FCHO2: variants seen among roughly 807,000 people sequenced by gnomAD.
FCHO2 encodes the protein F-BAR domain only protein 2.
A neutral mutation model predicts 114.1 loss-of-function variants in FCHO2; 43 were observed. That is an observed-to-expected ratio of 0.38 (90% CI 0.30 to 0.49). The LOEUF (loss-of-function observed/expected upper bound fraction) is 0.49. FCHO2 is among the 20% of genes least tolerant of loss of function. The pLI is 0.97. For synonymous variants in FCHO2, 293 were observed against 315.2 expected (o/e 0.93, Z 0.75); for missense variants, 807 against 950.4 (o/e 0.85, Z 1.98).
chr5:73,026,822 G>C (rs1755948487), intron 8 of FCHO2, among the ~76,000 whole-genome samples: 1 of 151,990 alleles, frequency 6.6e-6, no homozygotes. Flanking sequence ...CTCCCAAGCA[G>C]CTGGGCTTAC....
intron 8 of FCHO2, among the ~76,000 whole-genome samples, chr5:73,026,062 G>A (rs1029054730): frequency 2.0e-5 from 3 of 152,184 alleles, no homozygotes; most frequent in South Asian, 2.1e-4. Context: ...TTCGGAGGCC[G>A]AGGCGACTGA....
At chr5:73,042,759 G>A (rs1561472095) in intron 11 of FCHO2, among the ~76,000 whole-genome samples, 2 of 152,028 alleles carry the variant, frequency 1.3e-5, no homozygotes, top group Non-Finnish European at 2.9e-5. Flanking sequence ...AAAATAAGTG[G>A]GTGCCTAGTA....
At chr5:72,970,562 T>C (rs1053742921) in intron 2 of FCHO2, among the ~76,000 whole-genome samples, 1 of 151,836 alleles carries the variant, frequency 6.6e-6, no homozygotes, top group African/African-American at 2.4e-5. Context: ...CTAAAATGAC[T>C]CCACATTTAT....
intron 1 of FCHO2, among the ~76,000 whole-genome samples, chr5:72,956,370 G>GCCGGCCA (rs1323497955): frequency 2.0e-5 from 3 of 151,666 alleles, no homozygotes; most frequent in African/African-American, 7.2e-5. Flanking sequence ...CAGCGGGGCC[G>GCCGGCCA]CCGGCCACCG....
intron 19 of FCHO2, among the ~76,000 whole-genome samples, chr5:73,074,075 C>T (rs1038605487): frequency 2.0e-4 from 31 of 151,946 alleles, no homozygotes; most frequent in African/African-American, 7.2e-4. Context: ...AAACAGAAAC[C>T]TGAACACTTG....
In FCHO2 at chr5:73,074,781, A is replaced by T; in HGVS notation, c.1619A>T (p.Gln540Leu). 1 of 1,613,106 alleles carries T rather than the reference A, an allele frequency of 6.2e-7. No individual in the cohort carries two copies. Among genetic ancestry groups the T allele is most frequent in the South Asian group, 1.1e-5 (1 of 90,952 alleles). The change falls in exon 20 of 26, where the codon CAG becomes CTG. Residue 540 changes from glutamine (Q) to leucine (L), a missense_variant. By Grantham distance (113) the Gln-to-Leu change is moderately radical. Transcript: ENST00000430046. ...RGPSPVSLGN[Q>L]DTLPVAVALT... ...CCCAGCCCTGTCAGCCTTGGAAATC[A>T]GGATACCTTACCTGTGGCAGTTGCC...
At chr5:73,010,582 T>C (rs1448877584) in intron 6 of FCHO2, among the ~76,000 whole-genome samples, 1 of 151,916 alleles carries the variant, frequency 6.6e-6, no homozygotes, top group Non-Finnish European at 1.5e-5. Context: ...CATCATAGAA[T>C]GTACTTATGC....
chr5:73,044,023 TAGTA>T lies in FCHO2; in HGVS notation c.939+2712_939+2715del, dbSNP rs561279732. Among the ~76,000 whole-genome samples, 129 of 152,270 alleles carry T rather than the reference TAGTA, an allele frequency of 8.5e-4. 1 individual carries two copies. The South Asian group carries it at 0.013, about 15-fold the overall frequency. On this transcript the variant is annotated intron_variant, in intron 11 of 25. Coordinates refer to ENST00000430046, the MANE Select transcript of FCHO2 (RefSeq NM_138782.3). ...GATCTCCCCCTCGCTGTTCTCGTGA[TAGTA>T]AGTGAGTTCTCACTTGTTGTTTGAA...
At chr5:73,046,976 T>C (rs1162770311) in intron 11 of FCHO2, among the ~76,000 whole-genome samples, 1 of 152,204 alleles carries the variant, frequency 6.6e-6, no homozygotes, top group Non-Finnish European at 1.5e-5. Flanking sequence ...TAGAAAGTGA[T>C]TAGAAGAACA....
chr5:72,986,469 C>T (rs962545929), intron 2 of FCHO2, among the ~76,000 whole-genome samples: 20 of 152,158 alleles, frequency 1.3e-4, no homozygotes, highest in Non-Finnish European at 2.6e-4. Context: ...TCTGGATACC[C>T]CCAAGGAAGA....
At chr5:73,052,881 A>G (rs983748158) in intron 13 of FCHO2, 6 of 158,190 alleles carry the variant, frequency 3.8e-5, no homozygotes, top group Admixed American at 6.4e-5. Context: ...ATTAAATTAT[A>G]TATTTGCATT....
Position 73,015,716 on chromosome 5 carries a change from A to T in FCHO2, c.691A>T (p.Ile231Leu), listed in dbSNP as rs751339379. 10 of 1,572,066 alleles carry T rather than the reference A, an allele frequency of 6.4e-6. No individual in the cohort carries two copies. The Admixed American group carries it at 1.2e-4, about 19-fold the overall frequency. ...SNAIKEIHLQ[I>L]GQVHEEFINN... ...TGCTATAAAGGAAATTCATTTGCAG[A>T]TAGGCCAGGTAAGTTTTTTTACTTT... Residue 231 changes from isoleucine (I) to leucine (L), a missense_variant, in exon 7 of 26, where the codon ATA (isoleucine) becomes TTA (leucine). Coordinates refer to ENST00000430046, the MANE Select transcript of FCHO2 (RefSeq NM_138782.3).
chr5:73,038,985 A>G (rs928486973), intron 10 of FCHO2, among the ~76,000 whole-genome samples: 2 of 152,288 alleles, frequency 1.3e-5, no homozygotes, highest in East Asian at 1.9e-4. Context: ...AGCTTATAGT[A>G]TTTTTTAACC....
intron 6 of FCHO2, among the ~76,000 whole-genome samples, chr5:73,015,075 C>CAAA (rs1001718712): frequency 3.2e-4 from 10 of 31,706 alleles, no homozygotes; most frequent in African/African-American, 3.6e-4. Flanking sequence ...GACTCCGTCT[C>CAAA]AAAAAAAAAA....
chr5:72,990,859 G>C lies in FCHO2; in HGVS notation c.490G>C (p.Glu164Gln), dbSNP rs749959066. Residue 164 changes from glutamate (E) to glutamine (Q), a missense_variant, in exon 5 of 26, where the codon GAA becomes CAA. By Grantham distance (29) the Glu-to-Gln change is conservative. Transcript: ENST00000430046. The stretch of plus-strand genomic sequence containing the variant: ...GGAAGGAGCTACACAAAGAGAAATA[G>C]AAAAGGTAATCATAATAAAAATTAC... ...KKEGATQREI[E>Q]KAAVKSKKAT... 1.3e-6 allele frequency: 2 copies of C among 1,538,930 alleles called. No individual in the cohort carries two copies. The highest frequency in any genetic ancestry group is 1.7e-6 in the Non-Finnish European group (2 of 1,143,494).
intron 2 of FCHO2, among the ~76,000 whole-genome samples, chr5:72,982,448 T>G (rs561159744): frequency 4.6e-5 from 7 of 152,366 alleles, no homozygotes; most frequent in Non-Finnish European, 1.5e-5. Flanking sequence ...TTGCAAATAT[T>G]TTCTCACAGT....
chr5:73,027,510 T>A (rs1756004021), intron 8 of FCHO2, among the ~76,000 whole-genome samples: 1 of 152,114 alleles, frequency 6.6e-6, no homozygotes, highest in East Asian at 1.9e-4. Context: ...CAAAGATTTT[T>A]AAAAATTTTT....
At chr5:72,969,312 C>G (rs1752380916) in intron 2 of FCHO2, among the ~76,000 whole-genome samples, 1 of 152,166 alleles carries the variant, frequency 6.6e-6, no homozygotes. Flanking sequence ...AGCTACTTGT[C>G]TGGATTATGG....
intron 2 of FCHO2, 28 bp from the exon 3 acceptor site, chr5:72,989,399 A>G: frequency 1.3e-6 from 2 of 1,553,652 alleles, no homozygotes; most frequent in Non-Finnish European, 1.8e-6. Flanking sequence ...AATAAGAAGT[A>G]TTATGATGTG....
Sources: gnomAD v4.1 joint callset for allele counts (sites outside exome capture counted in the v4.1 genomes callset) on GRCh38, gnomAD v4.1.1 for gene constraint, MANE v1.5 for transcripts, NCBI Gene and HGNC (gene_info 2026-07-23, HGNC 2026-07-21) for gene names.